NTM: variants seen among roughly 807,000 people sequenced by gnomAD.
The protein encoded by NTM is IgLON family member 2.
Under a neutral mutation model 42.1 loss-of-function variants are expected in NTM, and 13 were observed. That is an observed-to-expected ratio of 0.31 (90% confidence interval 0.20 to 0.49). The LOEUF (loss-of-function observed/expected upper bound fraction) is 0.49. Among genes scored for constraint, NTM ranks in the 20% least tolerant of loss-of-function variants. The probability of loss-of-function intolerance (pLI) is 0.99; values close to 1 mark genes in which losing one functional copy is unlikely to be tolerated. For missense variants in NTM, 373 were observed against 452.8 expected, an observed-to-expected ratio of 0.82 and a Z score of 1.60; for synonymous variants, 187 against 179.2, an observed-to-expected ratio of 1.04 and a Z score of -0.35.
chr11:131,573,400 T>C (rs2057639396), intron 1 of NTM: 1 of 152,170 alleles, frequency 6.6e-6, no homozygotes. Flanking sequence ...CAACATAAAC[T>C]AGCCTATGTG....
intron 1 of NTM, among the ~76,000 whole-genome samples, chr11:131,654,448 T>C (rs537296324): frequency 2.6e-4 from 39 of 152,048 alleles, no homozygotes; most frequent in Admixed American, 1.3e-3. Flanking sequence ...GTTTTTTTTT[T>C]CCGGGAGTCT....
chr11:131,766,293 G>A (rs889618583), intron 1 of NTM, among the ~76,000 whole-genome samples: 1 of 152,206 alleles, frequency 6.6e-6, no homozygotes, highest in Non-Finnish European at 1.5e-5. Flanking sequence ...GCATCCAAGT[G>A]ACATAGCACC....
At chr11:132,125,345 G>T (rs2065517224) in intron 2 of NTM, among the ~76,000 whole-genome samples, 1 of 140,232 alleles carries the variant, frequency 7.1e-6, no homozygotes, top group African/African-American at 2.7e-5. Context: ...TGTGGTATGT[G>T]ATTGTGTAGT....
chr11:131,843,802 T>C (rs999005273), intron 1 of NTM, among the ~76,000 whole-genome samples: 16 of 152,232 alleles, frequency 1.1e-4, no homozygotes, highest in African/African-American at 3.6e-4. Flanking sequence ...ATATATTTAT[T>C]AGCCATTTCA....
intron 1 of NTM, among the ~76,000 whole-genome samples, chr11:131,740,486 G>A (rs2081043527): frequency 6.6e-6 from 1 of 152,094 alleles, no homozygotes; most frequent in Non-Finnish European, 1.5e-5. Flanking sequence ...ATTGGACAAG[G>A]GTAGGACACT....
intron 1 of NTM, among the ~76,000 whole-genome samples, chr11:131,890,172 CTCTCTG>C (rs1483867867): frequency 1.3e-5 from 2 of 149,876 alleles, no homozygotes; most frequent in African/African-American, 2.5e-5. Flanking sequence ...CTCTCTCTCT[CTCTCTG>C]TCTCTCTCTC....
chr11:131,808,177 T>C (rs144514769), intron 1 of NTM, among the ~76,000 whole-genome samples: 3 of 152,192 alleles, frequency 2.0e-5, no homozygotes, highest in Admixed American at 6.5e-5. Context: ...CCCCTAGAAA[T>C]GCTATGTTCA....
intron 2 of NTM, among the ~76,000 whole-genome samples, chr11:132,077,361 A>G (rs2058498963): frequency 6.6e-6 from 1 of 152,262 alleles, no homozygotes; most frequent in South Asian, 2.1e-4. Flanking sequence ...CACTTACTGG[A>G]GGAAGATCTC....
chr11:131,693,138 G>T (rs1284109043), intron 1 of NTM, among the ~76,000 whole-genome samples: 2 of 152,122 alleles, frequency 1.3e-5, no homozygotes, highest in African/African-American at 2.4e-5. Context: ...GGGCATGGGG[G>T]TCAGGGCAGA....
At chr11:131,841,118 T>C (rs913544484) in intron 1 of NTM, among the ~76,000 whole-genome samples, 1 of 152,240 alleles carries the variant, frequency 6.6e-6, no homozygotes, top group African/African-American at 2.4e-5. Flanking sequence ...TTCTTGGCTC[T>C]GGAGACATAA....
chr11:131,772,588 C>A (rs1244254639), intron 1 of NTM, among the ~76,000 whole-genome samples: 1 of 152,118 alleles, frequency 6.6e-6, no homozygotes, highest in African/African-American at 2.4e-5. Flanking sequence ...CTGCCAGCAG[C>A]CAGAGGGAGC....
chr11:132,147,527 G>C (rs1431325968), intron 3 of NTM, among the ~76,000 whole-genome samples: 1 of 151,206 alleles, frequency 6.6e-6, no homozygotes, highest in Admixed American at 6.6e-5. Flanking sequence ...ACATACAAGT[G>C]CTATTTCAGT....
chr11:131,495,339 G>A (rs1022228213), intron 1 of NTM, among the ~76,000 whole-genome samples: 3 of 152,164 alleles, frequency 2.0e-5, no homozygotes, highest in Admixed American at 6.5e-5. Context: ...TTTGACATGC[G>A]CTTTGCAGAT....
chr11:132,094,964 T>C (rs10894495), intron 2 of NTM, among the ~76,000 whole-genome samples: 85,087 of 152,010 alleles, frequency 0.56, 24,748 homozygotes, highest in African/African-American at 0.7. Flanking sequence ...CAGCTTTTAG[T>C]GGTTAGGGAG....
chr11:131,563,712 CT>C (rs2056525118), intron 1 of NTM, among the ~76,000 whole-genome samples: 1 of 149,420 alleles, frequency 6.7e-6, no homozygotes, highest in Admixed American at 6.7e-5. Flanking sequence ...AAGTTTCAAA[CT>C]AATTTACTGT....
At chr11:131,680,718 C>G (rs1377121740) in intron 1 of NTM, among the ~76,000 whole-genome samples, 2 of 2,402 alleles carry the variant, frequency 8.3e-4, no homozygotes, top group African/African-American at 1.5e-3. Context: ...TGTGTGTGTG[C>G]ATATGTTTGC....
At chr11:131,683,347 G>A (rs972567814) in intron 1 of NTM, among the ~76,000 whole-genome samples, 1 of 152,242 alleles carries the variant, frequency 6.6e-6, no homozygotes, top group African/African-American at 2.4e-5. Context: ...CTGCAGCGGG[G>A]CACTGTGCAG....
chr11:131,642,324 C>A (rs923757568), intron 1 of NTM, among the ~76,000 whole-genome samples: 9 of 152,170 alleles, frequency 5.9e-5, no homozygotes, highest in Non-Finnish European at 8.8e-5. Flanking sequence ...GTCAGTACTT[C>A]ATTCTGGAAA....
At chr11:132,197,321 G>A (rs1179275110) in intron 3 of NTM, among the ~76,000 whole-genome samples, 1 of 152,158 alleles carries the variant, frequency 6.6e-6, no homozygotes, top group African/African-American at 2.4e-5. Context: ...GTTACACAGA[G>A]ATTGGGGAAA....
Sources: gnomAD v4.1 joint callset for allele counts (sites outside exome capture counted in the v4.1 genomes callset) on GRCh38, gnomAD v4.1.1 for gene constraint, MANE v1.5 for transcripts, NCBI Gene and HGNC (gene_info 2026-07-23, HGNC 2026-07-21) for gene names.